SVIL: variants seen among roughly 807,000 people sequenced by gnomAD.
The protein encoded by SVIL is archvillin.
In SVIL, 101 loss-of-function variants were observed where a neutral mutation model predicts 240.4. That is an observed-to-expected ratio of 0.42 (90% CI 0.36 to 0.50). The LOEUF (loss-of-function observed/expected upper bound fraction) is 0.50. Ranked by LOEUF, SVIL falls within the 20% of genes least tolerant of loss-of-function variation. The probability of loss-of-function intolerance (pLI) is 0.01; values close to 1 mark genes in which losing one functional copy is unlikely to be tolerated. For synonymous variants in SVIL, 999 were observed against 1,100.0 expected (o/e 0.91, Z 1.82); for missense variants, 2,512 against 2,818.7 (o/e 0.89, Z 2.46).
At chr10:29,522,064 G>C (rs1050962323) in intron 16 of SVIL, among the ~76,000 whole-genome samples, 1 of 152,166 alleles carries the variant, frequency 6.6e-6, no homozygotes, top group African/African-American at 2.4e-5. Flanking sequence ...GAAGAGCCAA[G>C]ATTTCAGCTC....
chr10:29,706,729 A>G (rs1962915170), intron 1 of SVIL, among the ~76,000 whole-genome samples: 1 of 152,104 alleles, frequency 6.6e-6, no homozygotes, highest in Admixed American at 6.5e-5. Flanking sequence ...TATGTCCTGA[A>G]TGGTATTTCC....
At chr10:29,711,914 A>AGGTACTAAAAT (rs1554769020) in intron 1 of SVIL, 6 of 145,460 alleles carry the variant, frequency 4.1e-5, no homozygotes, top group Non-Finnish European at 6.3e-5. Flanking sequence ...ATTACAGTAC[A>AGGTACTAAAAT]TGTACTAAAA....
chr10:29,625,836 C>A (rs1296307841), intron 1 of SVIL, among the ~76,000 whole-genome samples: 1 of 152,138 alleles, frequency 6.6e-6, no homozygotes, highest in Non-Finnish European at 1.5e-5. Context: ...TCAGAAGATA[C>A]AAAATGCAAA....
At chr10:29,550,020 A>AT (rs1491580365) in intron 6 of SVIL, among the ~76,000 whole-genome samples, 33 of 55,082 alleles carry the variant, frequency 6.0e-4, no homozygotes, top group African/African-American at 3.0e-3. Flanking sequence ...CTTAAAGTAT[A>AT]AAAAAAAAAA....
chr10:29,665,071 G>A (rs1959206271), intron 2 of SVIL, among the ~76,000 whole-genome samples: 1 of 151,812 alleles, frequency 6.6e-6, no homozygotes, highest in African/African-American at 2.4e-5. Context: ...GAGACCCTAT[G>A]TATATCTCTA....
chr10:29,672,000 C>T (rs1397263107), intron 2 of SVIL, among the ~76,000 whole-genome samples: 1 of 152,196 alleles, frequency 6.6e-6, no homozygotes, highest in Non-Finnish European at 1.5e-5. Context: ...GAAACTGTCA[C>T]TGACCAGAAA....
At chr10:29,602,276 A>C (rs1172902839) in intron 1 of SVIL, 1 of 533,778 alleles carries the variant, frequency 1.9e-6, no homozygotes. Flanking sequence ...AGGCATACCA[A>C]GTTCTTAAAG....
intron 2 of SVIL, among the ~76,000 whole-genome samples, chr10:29,670,399 G>A (rs1365727662): frequency 1.3e-5 from 2 of 152,180 alleles, no homozygotes; most frequent in African/African-American, 4.8e-5. Context: ...ATGCTTTGAA[G>A]AGCCCCTTTA....
In SVIL at chr10:29,523,843, C is replaced by T. The variant is rs373990139; in HGVS notation, c.2771G>A (p.Ser924Asn). The T allele has an allele frequency of 3.6e-5, 58 of 1,614,088 alleles. No individual in the cohort carries two copies. The highest frequency in any genetic ancestry group is 1.5e-4 in the Admixed American group (9 of 60,010). ...CTGCCAAGCTTGCGATTTCAGAATG[C>T]TTCTAACTGGAGAGTCCGAATTTTC... The part of the protein sequence containing the change: ...SIENSDSPVR[S>N]ILKSQAWQPL... The change falls in exon 15 of 38, where the codon AGC (serine) becomes AAC (asparagine). Residue 924 changes from serine (S) to asparagine (N), a missense_variant. Physicochemically the swap from Ser to Asn is conservative, Grantham distance 46. Coordinates refer to ENST00000355867, the MANE Select transcript of SVIL (RefSeq NM_021738.3).
At position 29,700,533 on chromosome 10, in the gene SVIL, C is replaced by T. The variant is rs530152390; in HGVS notation, c.-399-13882G>A. On this transcript the variant is annotated intron_variant, in intron 1 of 35. Transcript: ENST00000375400. ...TCGCCCAGCCTGGAGTGCAGTAGTG[C>T]GATCTCAGCTCACTGCAAGCTCCGC... 9.7e-5 allele frequency among the ~76,000 whole-genome samples: 13 copies of T among 134,390 alleles called. No individual in the cohort carries two copies. The South Asian group carries it at 1.6e-3, about 17-fold the overall frequency. 88.2% of individuals were successfully genotyped at this position (134,390 alleles called of 152,430 possible).
At chr10:29,538,622 C>CA (rs982143328) in intron 6 of SVIL, among the ~76,000 whole-genome samples, 1 of 152,244 alleles carries the variant, frequency 6.6e-6, no homozygotes, top group African/African-American at 2.4e-5. Context: ...ACCAGCCATA[C>CA]AACCATGAGG....
At chr10:29,585,896 C>A (rs180999424) in intron 1 of SVIL, among the ~76,000 whole-genome samples, 1 of 152,254 alleles carries the variant, frequency 6.6e-6, no homozygotes, top group Non-Finnish European at 1.5e-5. Context: ...TGAGCCAGAG[C>A]GCTCTGAGCG....
intron 17 of SVIL, among the ~76,000 whole-genome samples, chr10:29,501,260 A>G (rs1948869358): frequency 6.6e-6 from 1 of 151,384 alleles, no homozygotes; most frequent in African/African-American, 2.4e-5. Flanking sequence ...ATGGACGTGG[A>G]TCAGATAAAT....
intron 3 of SVIL, among the ~76,000 whole-genome samples, chr10:29,654,946 T>A (rs78636991): frequency 6.6e-6 from 1 of 152,052 alleles, no homozygotes; most frequent in Non-Finnish European, 1.5e-5. Flanking sequence ...CCGGAGTCAA[T>A]TGGACAGTGA....
chr10:29,474,878 A>G (rs1423634529), intron 29 of SVIL, among the ~76,000 whole-genome samples: 1 of 152,250 alleles, frequency 6.6e-6, no homozygotes, highest in Non-Finnish European at 1.5e-5. Context: ...GGTTGCTGAC[A>G]TATCACTTGA....
intron 7 of SVIL, among the ~76,000 whole-genome samples, chr10:29,533,716 G>C (rs1225033112): frequency 1.3e-5 from 2 of 152,098 alleles, no homozygotes; most frequent in African/African-American, 2.4e-5. Context: ...GCTATCCTGG[G>C]GGAGAATGGG....
chr10:29,561,716 T>C (rs922276397), intron 3 of SVIL, among the ~76,000 whole-genome samples: 1 of 152,132 alleles, frequency 6.6e-6, no homozygotes, highest in African/African-American at 2.4e-5. Flanking sequence ...TTGAAAACTC[T>C]GGGGGAGAGC....
chr10:29,723,201 C>T (rs1964092241), intron 1 of SVIL, among the ~76,000 whole-genome samples: 1 of 152,154 alleles, frequency 6.6e-6, no homozygotes, highest in South Asian at 2.1e-4. Context: ...GAGACCTTGT[C>T]TCTTCAAAAA....
chr10:29,702,236 A>G (rs2132646834), intron 1 of SVIL, among the ~76,000 whole-genome samples: 1 of 151,324 alleles, frequency 6.6e-6, no homozygotes, highest in South Asian at 2.1e-4. Flanking sequence ...GAACTGTCCC[A>G]TACTATAACT....
Sources: allele counts gnomAD v4.1 joint callset (sites outside exome capture counted in the v4.1 genomes callset), GRCh38; gene constraint gnomAD v4.1.1; transcripts MANE v1.5; gene names NCBI Gene and HGNC (gene_info 2026-07-23, HGNC 2026-07-21).